The following DNAJA1 variants were observed in gnomAD, a reference collection of about 807,000 sequenced individuals.
DNAJA1 encodes the protein dnaJ homolog subfamily A member 1.
DNAJA1 carries 26 observed loss-of-function variants against 47.6 expected under a neutral mutation model. The ratio of observed to expected loss-of-function variants is 0.55; its 90% CI spans 0.40 to 0.76. DNAJA1 has a LOEUF of 0.76. DNAJA1 is among the 30% of genes least tolerant of loss of function. The pLI is 0.00. For synonymous variants in DNAJA1, 165 were observed against 158.4 expected (o/e 1.04, Z -0.31); for missense variants, 315 against 485.0 (o/e 0.65, Z 3.29).
chr9:33,025,618 A>T (rs1269827068), intron 1 of DNAJA1, among the ~76,000 whole-genome samples: 1 of 151,418 alleles, frequency 6.6e-6, no homozygotes, highest in African/African-American at 2.4e-5. Flanking sequence ...CCAGCCTGGG[A>T]TCTCCAAGGA....
chr9:33,037,239 A>C, intron 8 of DNAJA1, 124 bp downstream of exon 8: 1 of 662,190 alleles, frequency 1.5e-6, no homozygotes, highest in African/African-American at 1.8e-5. Context: ...TGAGAGGCTG[A>C]GGCAGGAGGA....
intron 6 of DNAJA1, among the ~76,000 whole-genome samples, chr9:33,035,505 A>G (rs1048708949): frequency 6.6e-6 from 1 of 152,156 alleles, no homozygotes; most frequent in Non-Finnish European, 1.5e-5. Context: ...GTTTCGCTCA[A>G]CAGGCCCAGG....
intron 5 of DNAJA1, among the ~76,000 whole-genome samples, chr9:33,031,391 C>A (rs1049540038): frequency 6.6e-6 from 1 of 152,146 alleles, no homozygotes; most frequent in African/African-American, 2.4e-5. Flanking sequence ...GCTACCGCAC[C>A]CCGCCTCATG....
chr9:33,029,722 A>G (rs1838930978), intron 3 of DNAJA1, among the ~76,000 whole-genome samples, 163 bp from the exon 4 acceptor site: 2 of 152,230 alleles, frequency 1.3e-5, no homozygotes, highest in Non-Finnish European at 2.9e-5. Flanking sequence ...TTTGAGGATC[A>G]TCTGTGATAA....
At chr9:33,028,295 A>T (rs962627272) in intron 3 of DNAJA1, among the ~76,000 whole-genome samples, 3 of 152,210 alleles carry the variant, frequency 2.0e-5, no homozygotes, top group African/African-American at 7.2e-5. Context: ...AAAATTATGT[A>T]TTTAATATGT....
Position 33,030,000 on chromosome 9 carries a change from TTTTTGTTTTG to T in DNAJA1, c.415+26_415+35del, listed in dbSNP as rs552651063. The T allele has an allele frequency of 6.2e-6, 10 of 1,608,128 alleles. No homozygotes were observed. Among genetic ancestry groups the T allele is most frequent in the South Asian group, 3.3e-5 (3 of 89,748 alleles). The stretch of plus-strand genomic sequence containing the variant: ...GTGACAAATGTGAAGGTACGGTGTT[TTTTTGTTTTG>T]TTTTGTTTTGTTTTTAAGCACCTTT... On this transcript the variant is annotated intron_variant, in intron 4 of 8. Transcript: ENST00000330899.
At chr9:33,026,448 G>A (rs772904382) in intron 1 of DNAJA1, 27 bp from the exon 2 acceptor site, 2 of 1,590,600 alleles carry the variant, frequency 1.3e-6, no homozygotes, top group East Asian at 2.3e-5. Context: ...GTTGAAAGCC[G>A]GTTAAAGTTG....
intron 1 of DNAJA1, among the ~76,000 whole-genome samples, chr9:33,025,703 G>C (rs370585279): frequency 0.044 from 6,746 of 152,266 alleles, 188 homozygotes; most frequent in East Asian, 0.11. Context: ...CGGGGTGGGG[G>C]GGGGGAGTGG....
chr9:33,033,636 G>T (rs920728860), intron 5 of DNAJA1, among the ~76,000 whole-genome samples: 1 of 152,152 alleles, frequency 6.6e-6, no homozygotes, highest in Non-Finnish European at 1.5e-5. Context: ...GCTGCAGTGA[G>T]CCATGTTTGT....
At chr9:33,029,207 C>T (rs1838922468) in intron 3 of DNAJA1, among the ~76,000 whole-genome samples, 1 of 152,194 alleles carries the variant, frequency 6.6e-6, no homozygotes, top group African/African-American at 2.4e-5. Context: ...TCAATAAGCA[C>T]ATGTGATTGG....
chr9:33,034,094 A>G, intron 5 of DNAJA1, 122 bp from the exon 6 acceptor site: 1 of 641,882 alleles, frequency 1.6e-6, no homozygotes, highest in South Asian at 2.3e-5. Context: ...GAACTACTTA[A>G]GTGGGCTTTC....
intron 1 of DNAJA1, among the ~76,000 whole-genome samples, chr9:33,025,701 G>A (rs982199313): frequency 2.6e-5 from 4 of 151,644 alleles, no homozygotes; most frequent in East Asian, 1.9e-4. Flanking sequence ...CTCGGGGTGG[G>A]GGGGGGGAGT....
intron 4 of DNAJA1, 43 bp downstream of exon 4, chr9:33,030,032 C>T (rs1838936220): frequency 6.5e-7 from 1 of 1,544,416 alleles, no homozygotes; most frequent in African/African-American, 1.4e-5. Flanking sequence ...TTTTAAGCAC[C>T]TTTAATATGA....
intron 3 of DNAJA1, among the ~76,000 whole-genome samples, chr9:33,029,000 A>G (rs1744782848): frequency 1.3e-5 from 2 of 152,228 alleles, no homozygotes; most frequent in African/African-American, 2.4e-5. Flanking sequence ...ACCACTAGTT[A>G]GGAACTTACT....
intron 3 of DNAJA1, among the ~76,000 whole-genome samples, chr9:33,028,978 C>T (rs1564012316): frequency 6.6e-6 from 1 of 152,120 alleles, no homozygotes; most frequent in Non-Finnish European, 1.5e-5. Flanking sequence ...GTGAATAAGT[C>T]CTTGTGGAAG....
At position 33,038,968 on chromosome 9, in the gene DNAJA1, AATC is replaced by A; in HGVS notation, c.*68_*70del. The A allele has an allele frequency of 7.2e-7, 1 of 1,386,650 alleles. No homozygotes were observed. Among genetic ancestry groups the A allele is most frequent in the Non-Finnish European group, 1.0e-6 (1 of 999,944 alleles). 85.9% of individuals were successfully genotyped at this position (1,386,650 alleles called of 1,614,324 possible). On this transcript the variant is annotated 3_prime_UTR_variant, in exon 9 of 9. Coordinates refer to ENST00000330899, the MANE Select transcript of DNAJA1 (RefSeq NM_001539.4). ...CAGTAGTGAATGAGTGAAGGACTGT[AATC>A]ATAATATGCTCACTACTTGCTCTTG...
rs1838865920 is a variant in DNAJA1 at position 33,026,684 on chromosome 9, G to T, written c.132+68G>T. ...CCAGACGTATAGTATTTCTATTATG[G>T]CCTGAAATCGAGTATCTAATATAGT... On this transcript the variant is annotated intron_variant, in intron 2 of 8. Transcript: ENST00000330899. The T allele has an allele frequency of 1.1e-5, 17 of 1,565,908 alleles. No homozygotes were observed. The South Asian group carries it at 1.8e-4, about 17-fold the overall frequency.
In DNAJA1 at chr9:33,038,882, T is replaced by C. The variant is rs1839075496; in HGVS notation, c.1173T>C (p.Gly391=). ...ATGATGAACATCATCCCAGAGGTGG[T>C]GTTCAGTGTCAGACCTCTTAATGGG... is the stretch of plus-strand genomic sequence containing the variant. ...YEDDEHHPRG[G]VQCQTS The change falls in exon 9 of 9, where the codon GGT becomes GGC. Residue 391 remains glycine (G), a synonymous_variant. Coordinates refer to ENST00000330899, the MANE Select transcript of DNAJA1 (RefSeq NM_001539.4). The C allele has an allele frequency of 6.2e-7, 1 of 1,613,274 alleles. No homozygotes were observed. Among genetic ancestry groups the C allele is most frequent in the Non-Finnish European group, 8.5e-7 (1 of 1,179,772 alleles).
chr9:33,032,372 A>G lies in DNAJA1; in HGVS notation c.643+1705A>G, dbSNP rs537103283. On this transcript the variant is annotated intron_variant, in intron 5 of 8. Transcript: ENST00000330899. Reference sequence around the variant, plus strand: ...ATACTTTGAGGTGTTCTTGATACCAATAGCATACAGAGTAAGTCTTAACGT... The same window carrying G: ...ATACTTTGAGGTGTTCTTGATACCAGTAGCATACAGAGTAAGTCTTAACGT... Among the ~76,000 whole-genome samples, 17 of 152,372 alleles carry G rather than the reference A, an allele frequency of 1.1e-4. No individual in the cohort carries two copies. In the South Asian group the frequency reaches 2.7e-3, roughly 24 times the overall value.
Sources: allele counts gnomAD v4.1 joint callset (sites outside exome capture counted in the v4.1 genomes callset), GRCh38; gene constraint gnomAD v4.1.1; transcripts MANE v1.5; gene names NCBI Gene and HGNC (gene_info 2026-07-23, HGNC 2026-07-21).